KCNQ5: variants seen among roughly 807,000 people sequenced by gnomAD.
The protein encoded by KCNQ5 is potassium voltage-gated channel subfamily Q member 5, also known as potassium voltage-gated channel subfamily KQT member 5.
In KCNQ5, 30 loss-of-function variants were observed where a neutral mutation model predicts 98.2. The observed-to-expected ratio is 0.31, with a 90% CI of 0.23 to 0.41. KCNQ5 has a LOEUF of 0.41. KCNQ5 is among the 10% of genes least tolerant of loss of function. KCNQ5 has a pLI of 1.00. For missense variants in KCNQ5, 835 were observed against 1,182.5 expected, an observed-to-expected ratio of 0.71 and a Z score of 4.31; for synonymous variants, 458 against 449.4, an observed-to-expected ratio of 1.02 and a Z score of -0.24.
chr6:73,139,166 A>G (rs1241496585), intron 10 of KCNQ5, among the ~76,000 whole-genome samples: 1 of 152,240 alleles, frequency 6.6e-6, no homozygotes, highest in Non-Finnish European at 1.5e-5. Flanking sequence ...TTTCAGAGGC[A>G]GAAAGAGGCC....
chr6:73,161,789 G>T (rs1221184539), intron 10 of KCNQ5, among the ~76,000 whole-genome samples: 1 of 152,128 alleles, frequency 6.6e-6, no homozygotes, highest in Non-Finnish European at 1.5e-5. Flanking sequence ...TTTCCAAAAT[G>T]GTCTTCTTTA....
chr6:72,670,580 A>C (rs1582086939), intron 1 of KCNQ5, among the ~76,000 whole-genome samples: 1 of 152,220 alleles, frequency 6.6e-6, no homozygotes. Context: ...GGTATTAAAC[A>C]ACAGAATAAG....
chr6:73,031,655 C>T (rs535750077), intron 2 of KCNQ5, among the ~76,000 whole-genome samples: 1 of 152,236 alleles, frequency 6.6e-6, no homozygotes, highest in African/African-American at 2.4e-5. Flanking sequence ...AGTGGTGTGT[C>T]TTATCTTCCC....
chr6:73,001,232 T>A (rs1769554943), intron 1 of KCNQ5, among the ~76,000 whole-genome samples: 1 of 152,192 alleles, frequency 6.6e-6, no homozygotes, highest in Admixed American at 6.5e-5. Context: ...TTCTTAGCAC[T>A]TATCTGCCTC....
rs1006177117 is a variant in KCNQ5, at chr6:73,197,128, C to G, written c.*1714C>G. The G allele has an allele frequency of 6.6e-6, 1 of 152,178 alleles. No individual in the cohort carries two copies. The highest frequency in any genetic ancestry group is 2.4e-5 in the African/African-American group (1 of 41,432). The allele number at this position is 152,178 out of a possible 1,614,324, so 9.4% of individuals were successfully genotyped here. On this transcript the variant is annotated 3_prime_UTR_variant, in exon 14 of 14. Transcript: ENST00000370398. ...AGGCCCTGAACTCCACCAATCCTCC[C>G]CAGCCCTCCCCAACAGGCTTTCTCC...
chr6:73,086,011 A>T (rs114975580), intron 5 of KCNQ5, among the ~76,000 whole-genome samples: 2,560 of 152,288 alleles, frequency 0.017, 72 homozygotes, highest in African/African-American at 0.057. Flanking sequence ...TCCCACATAT[A>T]TAAAGATTAA....
intron 11 of KCNQ5, among the ~76,000 whole-genome samples, chr6:73,179,211 T>C (rs955343746): frequency 1.3e-5 from 2 of 152,174 alleles, no homozygotes; most frequent in African/African-American, 2.4e-5. Flanking sequence ...TGAATTTATT[T>C]CTTACAGTTA....
In KCNQ5 at chr6:72,738,316, A is replaced by G. The variant is rs562064581; in HGVS notation, c.398+115729A>G. Among the ~76,000 whole-genome samples the G allele has an allele frequency of 3.9e-5, 6 of 152,280 alleles. No individual in the cohort carries two copies. The South Asian group carries it at 8.3e-4, about 21-fold the overall frequency. On this transcript the variant is annotated intron_variant, in intron 1 of 13. Coordinates refer to ENST00000370398, the MANE Select transcript of KCNQ5 (RefSeq NM_019842.4). ...AGGCCCTTGTGACCTCATTCACCAGAAGTTCTTGGGCTGCTTTCAATTCCC... is the reference window on the plus strand; with the variant it reads ...AGGCCCTTGTGACCTCATTCACCAGGAGTTCTTGGGCTGCTTTCAATTCCC...
At chr6:72,931,157 A>T (rs1765676714) in intron 1 of KCNQ5, among the ~76,000 whole-genome samples, 1 of 152,150 alleles carries the variant, frequency 6.6e-6, no homozygotes, top group Non-Finnish European at 1.5e-5. Context: ...TGGATACTAA[A>T]GTTTGTGTTT....
chr6:72,714,388 G>C (rs764211690), intron 1 of KCNQ5, among the ~76,000 whole-genome samples: 8 of 151,804 alleles, frequency 5.3e-5, no homozygotes, highest in Non-Finnish European at 1.0e-4. Context: ...GGAGGAGCTT[G>C]TCATAACCCT....
chr6:72,743,954 C>T lies in KCNQ5; in HGVS notation c.398+121367C>T, dbSNP rs146432767. 2.6e-5 allele frequency among the ~76,000 whole-genome samples: 4 copies of T among 152,270 alleles called. No homozygotes were observed. In the East Asian group the frequency reaches 7.7e-4, roughly 29 times the overall value. On this transcript the variant is annotated intron_variant, in intron 1 of 13. Coordinates refer to ENST00000370398, the MANE Select transcript of KCNQ5 (RefSeq NM_019842.4). ...CCCATAGGCAGAAGTTCATTTCTCC[C>T]TCATGCTTCATGTCTACAGGAGCTC...
chr6:73,055,535 C>T, intron 3 of KCNQ5: 1 of 1,492,926 alleles, frequency 6.7e-7, no homozygotes, highest in Non-Finnish European at 9.3e-7. Context: ...AGAAAATCAC[C>T]TACCCTCCTG....
Position 72,860,372 on chromosome 6 carries a change from G to A in KCNQ5, c.399-143536G>A, listed in dbSNP as rs187685789. Among the ~76,000 whole-genome samples the A allele has an allele frequency of 2.6e-4, 40 of 152,042 alleles. No individual in the cohort carries two copies. In the South Asian group the frequency reaches 3.1e-3, roughly 12 times the overall value. On this transcript the variant is annotated intron_variant, in intron 1 of 13. Transcript: ENST00000370398. ...AACATGCTCAGTCTTTCTTGGTGGC[G>A]GAAAGATTTTAAAGCCCTAGAATAC...
chr6:72,770,627 T>C (rs151024561), intron 1 of KCNQ5, among the ~76,000 whole-genome samples: 1 of 152,132 alleles, frequency 6.6e-6, no homozygotes, highest in African/African-American at 2.4e-5. Context: ...TATTCATATA[T>C]GTGTACCGAT....
chr6:72,981,878 G>A (rs996997042), intron 1 of KCNQ5, among the ~76,000 whole-genome samples: 1 of 152,166 alleles, frequency 6.6e-6, no homozygotes, highest in Admixed American at 6.5e-5. Context: ...TGCTTTCAAA[G>A]AACATCTTTA....
intron 10 of KCNQ5, among the ~76,000 whole-genome samples, chr6:73,152,448 C>T (rs1337112680): frequency 6.6e-6 from 1 of 151,790 alleles, no homozygotes; most frequent in Non-Finnish European, 1.5e-5. Flanking sequence ...TTTCTAAGGT[C>T]CTTTGTTTTT....
intron 3 of KCNQ5, among the ~76,000 whole-genome samples, chr6:73,067,002 G>A (rs916721443): frequency 6.6e-6 from 1 of 152,090 alleles, no homozygotes; most frequent in African/African-American, 2.4e-5. Flanking sequence ...TCAATCTGCT[G>A]TCCCATTGGG....
At chr6:73,163,914 A>G (rs1047161964) in intron 10 of KCNQ5, among the ~76,000 whole-genome samples, 1 of 152,082 alleles carries the variant, frequency 6.6e-6, no homozygotes, top group Non-Finnish European at 1.5e-5. Flanking sequence ...CTATGCAATC[A>G]TTTATTCTTT....
intron 1 of KCNQ5, among the ~76,000 whole-genome samples, chr6:72,716,860 A>G (rs1769672163): frequency 6.6e-6 from 1 of 152,182 alleles, no homozygotes; most frequent in Non-Finnish European, 1.5e-5. Flanking sequence ...ATCTTTAACC[A>G]CTTTCCTCAA....
Sources: gnomAD v4.1 joint callset for allele counts (sites outside exome capture counted in the v4.1 genomes callset) on GRCh38, gnomAD v4.1.1 for gene constraint, MANE v1.5 for transcripts, NCBI Gene and HGNC (gene_info 2026-07-23, HGNC 2026-07-21) for gene names.